KSR1: variants seen among roughly 807,000 people sequenced by gnomAD.
KSR1 encodes the protein kinase suppressor of ras 1, also known as kinase suppressor of ras.
In KSR1, 35 loss-of-function variants were observed where a neutral mutation model predicts 92.9. The observed-to-expected ratio is 0.38, with a 90% confidence interval of 0.29 to 0.50. The LOEUF is 0.50. Ranked by LOEUF, KSR1 falls within the 20% of genes least tolerant of loss-of-function variation. The pLI is 0.94. For missense variants in KSR1, 972 were observed against 1,158.5 expected (o/e 0.84, Z 2.34); for synonymous variants, 467 against 472.6 (o/e 0.99, Z 0.15).
intron 1 of KSR1, among the ~76,000 whole-genome samples, chr17:27,466,116 G>A (rs997512842): frequency 1.3e-5 from 2 of 152,254 alleles, no homozygotes; most frequent in African/African-American, 4.8e-5. Context: ...AAACTTATTT[G>A]TCCAGGGGAT....
intron 3 of KSR1, among the ~76,000 whole-genome samples, chr17:27,581,772 C>T (rs903349525): frequency 2.0e-5 from 3 of 152,106 alleles, no homozygotes. Context: ...GCCTTTCCAC[C>T]CAGCATCCAG....
intron 1 of KSR1, among the ~76,000 whole-genome samples, chr17:27,522,298 G>A (rs111243841): frequency 1.3e-5 from 2 of 152,288 alleles, no homozygotes; most frequent in East Asian, 1.9e-4. Context: ...TTGATCCTAG[G>A]AATACTGGCT....
At position 27,577,720 on chromosome 17, in the gene KSR1, C is replaced by G. The variant is rs758490358; in HGVS notation, c.520+81C>G. The G allele has an allele frequency of 8.2e-7, 1 of 1,219,566 alleles. No homozygotes were observed. The allele number at this position is 1,219,566 out of a possible 1,614,324, so 75.5% of individuals were successfully genotyped here. A position where few individuals can be genotyped will look rare whatever the true frequency, so the allele number is the denominator to read the frequency against. The stretch of plus-strand genomic sequence containing the variant: ...GCCTTCACTATGGTGGGTGATGGAG[C>G]GGGGCAAGCGTGGCCCAGGGTTTCT... On this transcript the variant is annotated intron_variant, in intron 3 of 20. Transcript: ENST00000644974. This position sits in a 1 kb window ranked among gnomAD's most constrained non-coding sequence, Gnocchi z 4.5.
At chr17:27,495,082 G>C (rs1213116073) in intron 1 of KSR1, among the ~76,000 whole-genome samples, 1 of 152,224 alleles carries the variant, frequency 6.6e-6, no homozygotes, top group African/African-American at 2.4e-5. Context: ...TGTGAGTTCT[G>C]CACAGCACAG....
intron 1 of KSR1, among the ~76,000 whole-genome samples, chr17:27,524,050 G>T (rs1041478089): frequency 6.6e-6 from 1 of 152,150 alleles, no homozygotes; most frequent in Non-Finnish European, 1.5e-5. Context: ...GCCCATGCAG[G>T]CTGGCCATCC....
intron 1 of KSR1, among the ~76,000 whole-genome samples, chr17:27,535,714 A>C (rs2151053583): frequency 6.6e-6 from 1 of 152,368 alleles, no homozygotes; most frequent in East Asian, 1.9e-4. Flanking sequence ...GAAGATGGGA[A>C]GGAATCTTTG....
chr17:27,567,485 C>A (rs920273833), intron 2 of KSR1, among the ~76,000 whole-genome samples: 34 of 152,144 alleles, frequency 2.2e-4, no homozygotes, highest in African/African-American at 7.5e-4. Context: ...AGGAGTTCCG[C>A]CCATCTGCCA....
chr17:27,470,078 C>T (rs1257427116), intron 1 of KSR1, among the ~76,000 whole-genome samples: 1 of 137,328 alleles, frequency 7.3e-6, no homozygotes, highest in Non-Finnish European at 1.5e-5. Context: ...TTTTTTGAGG[C>T]GGAGTATCGC....
At chr17:27,604,333 G>A (rs570836260) in intron 12 of KSR1, among the ~76,000 whole-genome samples, 7 of 152,344 alleles carry the variant, frequency 4.6e-5, no homozygotes, top group African/African-American at 1.7e-4. Flanking sequence ...CAGCTAGGAA[G>A]CGATAGAGCT....
intron 2 of KSR1, among the ~76,000 whole-genome samples, chr17:27,563,336 C>G (rs932666520): frequency 2.6e-4 from 40 of 151,862 alleles, no homozygotes; most frequent in Admixed American, 1.0e-3. Flanking sequence ...CAATCATGGC[C>G]CACTGCAGCG....
chr17:27,551,859 T>G (rs1005582193), intron 2 of KSR1, among the ~76,000 whole-genome samples: 7 of 152,162 alleles, frequency 4.6e-5, no homozygotes, highest in African/African-American at 1.7e-4. Context: ...TTGCATTCCA[T>G]TTTCCACCCA....
intron 3 of KSR1, chr17:27,579,288 A>G (rs1233580700): frequency 1.3e-5 from 2 of 152,200 alleles, no homozygotes; most frequent in Non-Finnish European, 2.9e-5. Flanking sequence ...GTCAGAGTAC[A>G]GGTGGGCTAT....
At chr17:27,503,827 G>A (rs1260973868) in intron 1 of KSR1, among the ~76,000 whole-genome samples, 1 of 152,146 alleles carries the variant, frequency 6.6e-6, no homozygotes, top group Non-Finnish European at 1.5e-5. Context: ...CCTAGTCCTG[G>A]TGTAAGGAGG....
chr17:27,467,647 G>A (rs1054981050), intron 1 of KSR1, among the ~76,000 whole-genome samples: 4 of 152,178 alleles, frequency 2.6e-5, no homozygotes, highest in African/African-American at 7.2e-5. Flanking sequence ...TTGGTCCGTG[G>A]TGGGTCCATC....
Position 27,550,558 on chromosome 17 carries a change from C to CT in KSR1, c.232-7dup. On this transcript the variant is annotated splice_polypyrimidine_tract_variant and intron_variant, in intron 1 of 20. Coordinates refer to ENST00000644974, the MANE Select transcript of KSR1 (RefSeq NM_001394583.1). ...TGAACACAGGCTTTTCTTTTTTGGA[C>CT]TTTCTGCAGGCGAAGCTGGTCCGTT... is the stretch of plus-strand genomic sequence containing the variant. 1.3e-6 allele frequency: 1 copy of CT among 764,180 alleles called. No homozygotes were observed. Among genetic ancestry groups the CT allele is most frequent in the Non-Finnish European group, 2.4e-6 (1 of 417,014 alleles). The allele number at this position is 764,180 out of a possible 1,614,324, so 47.3% of individuals were successfully genotyped here.
chr17:27,576,615 A>G (rs1673036386), intron 2 of KSR1, among the ~76,000 whole-genome samples: 1 of 152,160 alleles, frequency 6.6e-6, no homozygotes, highest in Non-Finnish European at 1.5e-5. Context: ...CCGGGAGTGG[A>G]GACAGTGTGG....
chr17:27,480,656 CCCACAGTTGTGAG>C (rs1480992511), intron 1 of KSR1, among the ~76,000 whole-genome samples: 1 of 152,224 alleles, frequency 6.6e-6, no homozygotes, highest in Non-Finnish European at 1.5e-5. Context: ...GCTTCGGCCT[CCCACAGTTGTGAG>C]CCACAGCACC....
chr17:27,479,845 CAG>C (rs1272276191), intron 1 of KSR1, among the ~76,000 whole-genome samples: 10 of 152,194 alleles, frequency 6.6e-5, no homozygotes, highest in Middle Eastern at 3.4e-3. Flanking sequence ...GACTGACTAA[CAG>C]AGGGGTGGCG....
At chr17:27,602,726 G>A (rs1289888806) in intron 11 of KSR1, among the ~76,000 whole-genome samples, 2 of 152,194 alleles carry the variant, frequency 1.3e-5, no homozygotes, top group Non-Finnish European at 2.9e-5. Context: ...CTGGTAGTCT[G>A]CAGACACACT....
Sources: gnomAD v4.1 joint callset for allele counts (sites outside exome capture counted in the v4.1 genomes callset) on GRCh38, gnomAD v4.1.1 for gene constraint, Gnocchi (gnomAD v3.1) non-coding constraint, MANE v1.5 for transcripts, NCBI Gene and HGNC (gene_info 2026-07-23, HGNC 2026-07-21) for gene names.